The following FBXW4 variants were observed in gnomAD, a reference collection of about 807,000 sequenced individuals.
FBXW4 encodes the protein F-box and WD repeat domain containing 4.
FBXW4 carries 40 observed loss-of-function variants against 61.8 expected under a neutral mutation model. The observed-to-expected ratio is 0.65, with a 90% CI of 0.50 to 0.84. The LOEUF (loss-of-function observed/expected upper bound fraction) is 0.84, where lower values mean the gene tolerates loss of function less well. Ranked by LOEUF, FBXW4 falls within the 40% of genes least tolerant of loss-of-function variation. FBXW4 has a pLI of 0.00. For missense variants in FBXW4, 672 were observed against 753.8 expected (o/e 0.89, Z 1.27); for synonymous variants, 311 against 313.8 (o/e 0.99, Z 0.10).
intron 1 of FBXW4, among the ~76,000 whole-genome samples, chr10:101,683,523 G>A (rs1227723730): frequency 6.6e-6 from 1 of 152,074 alleles, no homozygotes; most frequent in East Asian, 1.9e-4. Flanking sequence ...CTTGGCAAGT[G>A]AGTCCAGAGG....
Position 101,611,412 on chromosome 10 carries a change from TG to T in FBXW4, c.1585-3del. The T allele has an allele frequency of 6.2e-7, 1 of 1,612,610 alleles. No homozygotes were observed. The highest frequency in any genetic ancestry group is 8.5e-7 in the Non-Finnish European group (1 of 1,179,396). The stretch of plus-strand genomic sequence containing the variant: ...GGGAGTCGACGTCAGCGGGAAGGCC[TG>T]GAAGGGAGGGCACAGGAAGTGGTAA... On this transcript the variant is annotated splice_polypyrimidine_tract_variant and splice_region_variant and intron_variant, in intron 8 of 8. Coordinates refer to ENST00000331272, the MANE Select transcript of FBXW4 (RefSeq NM_022039.4). This position sits in a 1 kb window ranked among gnomAD's most constrained non-coding sequence, Gnocchi z 4.9.
At chr10:101,613,141 T>TC in intron 6 of FBXW4, 1 of 152,112 alleles carries the variant, frequency 6.6e-6, no homozygotes, top group South Asian at 2.1e-4. Context: ...TCCAGCCTGC[T>TC]CCCCCCACCC....
intron 1 of FBXW4, among the ~76,000 whole-genome samples, chr10:101,693,439 C>T (rs1193575672): frequency 2.0e-5 from 3 of 152,016 alleles, no homozygotes; most frequent in Non-Finnish European, 4.4e-5. Flanking sequence ...ATGCGACAGC[C>T]CACAAACATT....
chr10:101,627,313 A>C (rs374934048), intron 5 of FBXW4, among the ~76,000 whole-genome samples: 3 of 152,212 alleles, frequency 2.0e-5, no homozygotes, highest in Non-Finnish European at 2.9e-5. Flanking sequence ...GAGAAAGCAG[A>C]GTGTCTTCCT....
intron 1 of FBXW4, among the ~76,000 whole-genome samples, chr10:101,679,127 C>T (rs1420872974): frequency 1.3e-5 from 2 of 152,092 alleles, no homozygotes; most frequent in African/African-American, 2.4e-5. Flanking sequence ...GTCTCCAACA[C>T]CTGGCCTCAA....
chr10:101,666,515 G>A (rs2064302054), intron 5 of FBXW4, among the ~76,000 whole-genome samples: 1 of 152,192 alleles, frequency 6.6e-6, no homozygotes, highest in African/African-American at 2.4e-5. Context: ...CCTAAACGAA[G>A]TGGGTAGGAC....
rs531996379 is a variant in FBXW4 at position 101,650,150 on chromosome 10, G to A, written c.1235+17736C>T. Among the ~76,000 whole-genome samples, 248 of 152,244 alleles carry A rather than the reference G, an allele frequency of 1.6e-3. 1 individual carries two copies. Among genetic ancestry groups the A allele is most frequent in the African/African-American group, 5.9e-3 (245 of 41,522 alleles). On this transcript the variant is annotated intron_variant, in intron 5 of 8. Transcript: ENST00000331272. ...AAGGCTATACTGCAGCAAGGTGAGT[G>A]GTAAAGACAGAAGACAGCCTGCTCA...
At chr10:101,669,832 G>A (rs2064341835) in intron 4 of FBXW4, among the ~76,000 whole-genome samples, 1 of 150,530 alleles carries the variant, frequency 6.6e-6, no homozygotes, top group Non-Finnish European at 1.5e-5. Flanking sequence ...TCAGCTCACT[G>A]CAAGCTCCGC....
At chr10:101,682,997 T>G (rs2064494619) in intron 1 of FBXW4, among the ~76,000 whole-genome samples, 1 of 152,228 alleles carries the variant, frequency 6.6e-6, no homozygotes, top group African/African-American at 2.4e-5. Flanking sequence ...TTTATTGGCT[T>G]CAGCACCTGA....
At chr10:101,672,819 A>G in intron 4 of FBXW4, 96 bp downstream of exon 4, 1 of 1,460,062 alleles carries the variant, frequency 6.8e-7, no homozygotes, top group Non-Finnish European at 9.3e-7. Context: ...CTGTCCCCAG[A>G]CGATACTCTC....
chr10:101,666,273 G>A (rs1015432931), intron 5 of FBXW4, among the ~76,000 whole-genome samples: 5 of 152,150 alleles, frequency 3.3e-5, no homozygotes, highest in African/African-American at 7.2e-5. Context: ...CCTCTGCTCT[G>A]TGGAATTTTA....
chr10:101,654,689 A>G (rs1468062828), intron 5 of FBXW4, among the ~76,000 whole-genome samples: 1 of 152,208 alleles, frequency 6.6e-6, no homozygotes, highest in Non-Finnish European at 1.5e-5. Context: ...TCATTCCACA[A>G]TCTGCTATGA....
At chr10:101,653,130 G>A (rs1589761434) in intron 5 of FBXW4, among the ~76,000 whole-genome samples, 1 of 152,050 alleles carries the variant, frequency 6.6e-6, no homozygotes, top group Admixed American at 6.5e-5. Context: ...AGAGGTACTC[G>A]TCTCTTCCCT....
chr10:101,676,201 C>T, intron 2 of FBXW4, 140 bp downstream of exon 2: 1 of 492,980 alleles, frequency 2.0e-6, no homozygotes, highest in Non-Finnish European at 3.6e-6. Context: ...CTTCTGATGC[C>T]CCCTTTGTGT....
chr10:101,658,365 T>C (rs2064210460), intron 5 of FBXW4, among the ~76,000 whole-genome samples: 1 of 152,142 alleles, frequency 6.6e-6, no homozygotes, highest in Admixed American at 6.5e-5. Context: ...CCCAACATGG[T>C]GAAACCCCGT....
At chr10:101,669,029 G>A (rs1220519722) in intron 4 of FBXW4, among the ~76,000 whole-genome samples, 5 of 152,194 alleles carry the variant, frequency 3.3e-5, no homozygotes, top group East Asian at 1.9e-4. Flanking sequence ...TAAAGGGTAG[G>A]TGATGGAGTA....
intron 5 of FBXW4, among the ~76,000 whole-genome samples, chr10:101,657,631 C>A (rs2064199725): frequency 9.7e-6 from 1 of 103,188 alleles, no homozygotes; most frequent in Non-Finnish European, 1.8e-5. Flanking sequence ...CACAGCGAGA[C>A]TCTGTCTCAA....
chr10:101,667,257 A>C (rs1461578453), intron 5 of FBXW4, among the ~76,000 whole-genome samples: 9 of 151,272 alleles, frequency 5.9e-5, no homozygotes, highest in Admixed American at 1.3e-4. Flanking sequence ...CAAACACCCC[A>C]TTTCTAAATA....
At chr10:101,679,841 T>C (rs951759827) in intron 1 of FBXW4, among the ~76,000 whole-genome samples, 3 of 152,204 alleles carry the variant, frequency 2.0e-5, no homozygotes, top group African/African-American at 7.2e-5. Flanking sequence ...GTCACCTGAA[T>C]AGCGTACACT....
Sources: allele counts gnomAD v4.1 joint callset (sites outside exome capture counted in the v4.1 genomes callset), GRCh38; gene constraint gnomAD v4.1.1; non-coding constraint Gnocchi (gnomAD v3.1); transcripts MANE v1.5; gene names NCBI Gene and HGNC (gene_info 2026-07-23, HGNC 2026-07-21).